The following GRM6 variants were observed in gnomAD, a reference collection of about 807,000 sequenced individuals.
GRM6 encodes the protein metabotropic glutamate receptor 6.
Under a neutral mutation model 78.4 loss-of-function variants are expected in GRM6, and 73 were observed. That is an observed-to-expected ratio of 0.93 (90% confidence interval 0.77 to 1.13). The LOEUF (loss-of-function observed/expected upper bound fraction) is 1.13. GRM6 is among the 50% of genes most tolerant of loss of function. GRM6 has a pLI of 0.00. For missense variants in GRM6, 1,251 were observed against 1,256.4 expected (o/e 1.00, Z 0.07); for synonymous variants, 580 against 555.0 (o/e 1.05, Z -0.63).
rs1159684911 is a variant in GRM6, at chr5:178,980,121, C to T, written c.*1536G>A. 1.3e-5 allele frequency: 2 copies of T among 154,328 alleles called. No homozygotes were observed. Among genetic ancestry groups the T allele is most frequent in the African/African-American group, 2.4e-5 (1 of 41,496 alleles). The allele number at this position is 154,328 out of a possible 1,614,324, so 9.6% of individuals were successfully genotyped here. On this transcript the variant is annotated 3_prime_UTR_variant, in exon 11 of 11. Coordinates refer to ENST00000517717, the MANE Select transcript of GRM6 (RefSeq NM_000843.4). The surrounding 1 kb of genome is among the most constrained non-coding windows in gnomAD (Gnocchi z 4.3). ...AAACCTGCAGAAGCACCTAGTCCCA[C>T]GGTCAAAACCAACTGCGCACCAGAG...
intron 1 of GRM6, 41 bp from the exon 2 acceptor site, chr5:178,995,001 G>C (rs1047120452): frequency 4.0e-5 from 43 of 1,077,702 alleles, no homozygotes; most frequent in Non-Finnish European, 4.8e-5. Flanking sequence ...CTGAGGGCGG[G>C]GGAAGGAGAG....
chr5:178,985,621 T>A (rs541223206), intron 9 of GRM6: 3 of 360,232 alleles, frequency 8.3e-6, no homozygotes, highest in Non-Finnish European at 1.1e-5. Flanking sequence ...GAGAATGGCG[T>A]GAACCCGGAA....
chr5:178,990,240 TG>T (rs1315406493), intron 5 of GRM6: 2 of 341,348 alleles, frequency 5.9e-6, no homozygotes, highest in Non-Finnish European at 5.7e-6. Context: ...CTCATCACTC[TG>T]ATCACCAGGA....
intron 9 of GRM6, chr5:178,985,678 G>C (rs1206938716): frequency 9.9e-6 from 4 of 405,664 alleles, no homozygotes; most frequent in South Asian, 3.6e-5. Flanking sequence ...ACTCCAGCCT[G>C]GGCGACACAG....
rs1370029037 is a variant in GRM6 at position 178,981,467 on chromosome 5, T to G, written c.*190A>C. On this transcript the variant is annotated 3_prime_UTR_variant, in exon 11 of 11. Transcript: ENST00000517717. The surrounding 1 kb of genome is among the most constrained non-coding windows in gnomAD (Gnocchi z 5.1). ...GGTCTGTGGTGAGGAAGCATGAAGCTCACATGCTGGAATCGGGGTAGAGCT... is the reference window on the plus strand; with the variant it reads ...GGTCTGTGGTGAGGAAGCATGAAGCGCACATGCTGGAATCGGGGTAGAGCT... The G allele has an allele frequency of 1.7e-6, 1 of 591,046 alleles. No individual in the cohort carries two copies. Among genetic ancestry groups the G allele is most frequent in the Non-Finnish European group, 3.0e-6 (1 of 331,532 alleles). 36.6% of individuals were successfully genotyped at this position (591,046 alleles called of 1,614,324 possible).
intron 2 of GRM6, 38 bp downstream of exon 2, chr5:178,994,403 G>C: frequency 6.8e-7 from 1 of 1,468,634 alleles, no homozygotes; most frequent in African/African-American, 1.5e-5. Flanking sequence ...GGACGGGAGA[G>C]GGACGCTGGA....
chr5:178,993,610 G>A (rs1445701571), intron 2 of GRM6, among the ~76,000 whole-genome samples: 1 of 152,142 alleles, frequency 6.6e-6, no homozygotes, highest in Non-Finnish European at 1.5e-5. Context: ...CTCCTTCACA[G>A]AGAGCCGGAT....
At position 178,994,890 on chromosome 5, in the gene GRM6, C is replaced by T. The variant is rs1760746509; in HGVS notation, c.55G>A (p.Ala19Thr). 4 of 1,207,676 alleles carry T rather than the reference C, an allele frequency of 3.3e-6. No individual in the cohort carries two copies. The highest frequency in any genetic ancestry group is 1.6e-5 in the African/African-American group (1 of 62,266). 74.8% of individuals were successfully genotyped at this position (1,207,676 alleles called of 1,614,324 possible). Residue 19 changes from alanine (A) to threonine (T), a missense_variant, in exon 2 of 11, where the codon GCG becomes ACG. Ala to Thr is a moderately conservative substitution (Grantham distance 58). Transcript: ENST00000517717. The part of the protein sequence containing the change: ...EPLLVALLPL[A>T]WLAQAGLARA... ...GCCAGGCCCGCCTGCGCCAGCCACG[C>T]CAGCGGCAGCAGCGCCACGAGCAGC... is the stretch of plus-strand genomic sequence containing the variant.
At chr5:178,989,515 G>A in intron 5 of GRM6, 110 bp from the exon 6 acceptor site, 1 of 1,358,988 alleles carries the variant, frequency 7.4e-7, no homozygotes, top group Non-Finnish European at 1.0e-6. Flanking sequence ...AGGTGAGCTA[G>A]GAGTGGCCAG....
rs1330234171 is a variant in GRM6 at position 178,988,889 on chromosome 5, C to A, written c.1354+46G>T. ...CCCAGGCCTCACAGCAAAATCCAGC[C>A]CCCCAGCTGTCCTTCACTGCTGCAG... On this transcript the variant is annotated intron_variant, in intron 7 of 10. Coordinates refer to ENST00000517717, the MANE Select transcript of GRM6 (RefSeq NM_000843.4). This position sits in a 1 kb window ranked among gnomAD's most constrained non-coding sequence, Gnocchi z 6.0. The A allele has an allele frequency of 6.6e-7, 1 of 1,519,206 alleles. No individual in the cohort carries two copies. Among genetic ancestry groups the A allele is most frequent in the South Asian group, 1.1e-5 (1 of 87,324 alleles). The allele number at this position is 1,519,206 out of a possible 1,614,324, so 94.1% of individuals were successfully genotyped here. A position where few individuals can be genotyped will look rare whatever the true frequency, so the allele number is the denominator to read the frequency against.
chr5:178,984,801 C>A (rs1760477417), intron 9 of GRM6, among the ~76,000 whole-genome samples: 1 of 152,096 alleles, frequency 6.6e-6, no homozygotes, highest in Non-Finnish European at 1.5e-5. Flanking sequence ...AGAGAAGGGG[C>A]TCGCCGGGAG....
intron 9 of GRM6, 133 bp downstream of exon 9, chr5:178,985,997 G>C (rs946759591): frequency 7.6e-6 from 6 of 794,258 alleles, no homozygotes; most frequent in South Asian, 7.2e-5. Flanking sequence ...CCTGGACTCA[G>C]GTGATCCACC....
chr5:178,984,399 G>A (rs1194517342), intron 9 of GRM6, among the ~76,000 whole-genome samples: 1 of 152,234 alleles, frequency 6.6e-6, no homozygotes. Flanking sequence ...CTGGTGCTAA[G>A]TGCAGGCGAA....
At chr5:178,985,832 G>C (rs1485804631) in intron 9 of GRM6, 1 of 537,554 alleles carries the variant, frequency 1.9e-6, no homozygotes, top group African/African-American at 1.9e-5. Context: ...TGCGATCTTG[G>C]CTCACAGCAA....
At position 178,991,300 on chromosome 5, in the gene GRM6, G is replaced by GT. The variant is rs1043728149; in HGVS notation, c.857+123dup. 5.7e-6 allele frequency: 5 copies of GT among 884,584 alleles called. No individual in the cohort carries two copies. Among genetic ancestry groups the GT allele is most frequent in the Admixed American group, 1.9e-5 (1 of 53,518 alleles). 54.8% of individuals were successfully genotyped at this position (884,584 alleles called of 1,614,324 possible). A position where few individuals can be genotyped will look rare whatever the true frequency, so the allele number is the denominator to read the frequency against. On this transcript the variant is annotated intron_variant, in intron 4 of 10. Coordinates refer to ENST00000517717, the MANE Select transcript of GRM6 (RefSeq NM_000843.4). The surrounding 1 kb of genome is among the most constrained non-coding windows in gnomAD (Gnocchi z 5.0). The stretch of plus-strand genomic sequence containing the variant: ...AGACTCAGAGGCAGCAGCAGGGAAG[G>GT]TGGGGGGTGCGGGGAGCAGGGGAAA...
In GRM6 at chr5:178,991,596, A is replaced by G. The variant is rs1327940924; in HGVS notation, c.722-37T>C. The G allele has an allele frequency of 8.0e-7, 1 of 1,254,322 alleles. No individual in the cohort carries two copies. Among genetic ancestry groups the G allele is most frequent in the Non-Finnish European group, 1.1e-6 (1 of 903,000 alleles). The allele number at this position is 1,254,322 out of a possible 1,614,324, so 77.7% of individuals were successfully genotyped here. On this transcript the variant is annotated intron_variant, in intron 3 of 10. Coordinates refer to ENST00000517717, the MANE Select transcript of GRM6 (RefSeq NM_000843.4). This position sits in a 1 kb window ranked among gnomAD's most constrained non-coding sequence, Gnocchi z 5.0. ...GGGTGCCAGAGTCAGCTTCCGTCCC[A>G]CCCACCCACACACCCACCTGGCCAC...
chr5:178,986,986 GGA>G lies in GRM6; in HGVS notation c.1355-5_1355-4del, dbSNP rs759923637. 1.9e-6 allele frequency: 3 copies of G among 1,613,238 alleles called. No individual in the cohort carries two copies. The highest frequency in any genetic ancestry group is 2.2e-5 in the East Asian group (1 of 44,820). On this transcript the variant is annotated splice_polypyrimidine_tract_variant and splice_region_variant and intron_variant, in intron 7 of 10. Transcript: ENST00000517717. ...CATCACAGGGGTTCCTGCGCTGCCTGGAGAGAGAGTCCGTCATCCTCGGTGGT... is the reference window on the plus strand; with the variant it reads ...CATCACAGGGGTTCCTGCGCTGCCTGGAGAGAGTCCGTCATCCTCGGTGGT...
rs77577843 is a variant in GRM6, at chr5:178,980,621, T to G, written c.*1036A>C. 0.046 allele frequency: 7,003 copies of G among 153,580 alleles called. 212 individuals carry two copies. The highest frequency in any genetic ancestry group is 0.15 in the East Asian group (749 of 5,156). The allele number at this position is 153,580 out of a possible 1,614,324, so 9.5% of individuals were successfully genotyped here. A position where few individuals can be genotyped will look rare whatever the true frequency, so the allele number is the denominator to read the frequency against. ...ATCTGAATTTCTTCAGGTTTGGGGGTTTTTTTGGTGTTTTTTTGTTTTGTT... is the reference window on the plus strand; with the variant it reads ...ATCTGAATTTCTTCAGGTTTGGGGGGTTTTTTGGTGTTTTTTTGTTTTGTT... On this transcript the variant is annotated 3_prime_UTR_variant, in exon 11 of 11. Coordinates refer to ENST00000517717, the MANE Select transcript of GRM6 (RefSeq NM_000843.4). The surrounding 1 kb of genome is among the most constrained non-coding windows in gnomAD (Gnocchi z 4.3).
chr5:178,989,206 T>TA, intron 6 of GRM6, 59 bp downstream of exon 6: 1 of 218,584 alleles, frequency 4.6e-6, no homozygotes, highest in Non-Finnish European at 6.5e-6. Context: ...GCCTTCCCCC[T>TA]CCCCACCCTC....
Sources: gnomAD v4.1 joint callset for allele counts (sites outside exome capture counted in the v4.1 genomes callset) on GRCh38, gnomAD v4.1.1 for gene constraint, Gnocchi (gnomAD v3.1) non-coding constraint, MANE v1.5 for transcripts, NCBI Gene and HGNC (gene_info 2026-07-23, HGNC 2026-07-21) for gene names.